SPMIP7: variants seen among roughly 807,000 people sequenced by gnomAD.
The protein encoded by SPMIP7 is protein SPMIP7.
chr7:50,096,955 ATCC>A, the SPMIP7 span, among the ~76,000 whole-genome samples: 1 of 152,230 alleles, frequency 6.6e-6, no homozygotes, highest in Non-Finnish European at 1.5e-5. Flanking sequence ...TTGTATAGAA[ATCC>A]TCCTTATCTG....
the SPMIP7 span, among the ~76,000 whole-genome samples, chr7:50,102,643 C>T: frequency 6.6e-6 from 1 of 152,020 alleles, no homozygotes; most frequent in Non-Finnish European, 1.5e-5. Flanking sequence ...TTTGAAAATC[C>T]CCATTTCAGA....
chr7:50,125,407 T>TACATATACACACATATATATATAC, the SPMIP7 span, among the ~76,000 whole-genome samples: 2 of 147,440 alleles, frequency 1.4e-5, no homozygotes, highest in African/African-American at 2.5e-5. Context: ...TACATATATA[T>TACATATACACACATATATATATAC]ATAAAGAAAC....
chr7:50,104,448 GTTTA>G, the SPMIP7 span: 1 of 913,652 alleles, frequency 1.1e-6, no homozygotes, highest in Non-Finnish European at 1.5e-6. Context: ...TATATAATTA[GTTTA>G]TTTCATTGTA....
the SPMIP7 span, among the ~76,000 whole-genome samples, chr7:50,115,030 CAAAA>C: frequency 1.8e-5 from 2 of 113,688 alleles, no homozygotes; most frequent in Admixed American, 9.1e-5. Flanking sequence ...ATTCTGTCTC[CAAAA>C]AAAAAAAAAA....
At chr7:50,112,192 G>T in the SPMIP7 span, among the ~76,000 whole-genome samples, 1 of 152,152 alleles carries the variant, frequency 6.6e-6, no homozygotes, top group Non-Finnish European at 1.5e-5. Context: ...TCAAGAGAAT[G>T]AACATGAGAT....
the SPMIP7 span, among the ~76,000 whole-genome samples, chr7:50,136,881 T>C: frequency 6.6e-6 from 1 of 152,194 alleles, no homozygotes; most frequent in Admixed American, 6.5e-5. Context: ...ATATTTTATG[T>C]ACACAAAAAT....
At chr7:50,118,536 A>G in the SPMIP7 span, among the ~76,000 whole-genome samples, 1 of 152,204 alleles carries the variant, frequency 6.6e-6, no homozygotes, top group Non-Finnish European at 1.5e-5. Context: ...GCTGGATAGA[A>G]GCTTTCCCAT....
At chr7:50,115,280 G>A in the SPMIP7 span, among the ~76,000 whole-genome samples, 1 of 152,026 alleles carries the variant, frequency 6.6e-6, no homozygotes, top group African/African-American at 2.4e-5. Context: ...TATTTAAAAT[G>A]TATATCACCT....
the SPMIP7 span, among the ~76,000 whole-genome samples, chr7:50,113,724 C>A: frequency 6.6e-6 from 1 of 151,588 alleles, no homozygotes; most frequent in Admixed American, 6.6e-5. Flanking sequence ...GCATTGGGGT[C>A]TCAGAATAAA....
At chr7:50,155,118 AT>A in the SPMIP7 span, among the ~76,000 whole-genome samples, 1 of 152,118 alleles carries the variant, frequency 6.6e-6, no homozygotes, top group Admixed American at 6.5e-5. Flanking sequence ...GTTCCCAAAT[AT>A]TTTCCCCCAG....
At chr7:50,149,659 T>C in the SPMIP7 span, among the ~76,000 whole-genome samples, 1 of 152,226 alleles carries the variant, frequency 6.6e-6, no homozygotes, top group Non-Finnish European at 1.5e-5. Context: ...ATAGATGTAA[T>C]TTCCCTTCAC....
chr7:50,110,380 A>G, the SPMIP7 span, among the ~76,000 whole-genome samples: 1 of 148,422 alleles, frequency 6.7e-6, no homozygotes, highest in Non-Finnish European at 1.5e-5. Flanking sequence ...GTTCTTATAT[A>G]TATTTATTTA....
the SPMIP7 span, chr7:50,136,300 C>A: frequency 1.6e-6 from 1 of 642,008 alleles, no homozygotes. Flanking sequence ...ATCCCAGGGA[C>A]TCCCTGACTC....
chr7:50,101,546 C>A, the SPMIP7 span, among the ~76,000 whole-genome samples: 1 of 152,188 alleles, frequency 6.6e-6, no homozygotes, highest in Admixed American at 6.5e-5. Context: ...GATACTGAAA[C>A]GGAGTGGAGG....
the SPMIP7 span, among the ~76,000 whole-genome samples, chr7:50,108,750 A>T: frequency 1.3e-5 from 2 of 152,180 alleles, no homozygotes; most frequent in Non-Finnish European, 2.9e-5. Flanking sequence ...TACTTAAGAA[A>T]TAAATTTTTA....
the SPMIP7 span, chr7:50,140,158 A>G: frequency 2.0e-5 from 30 of 1,506,958 alleles, no homozygotes; most frequent in Non-Finnish European, 2.7e-5. Context: ...CAAGTTCTAG[A>G]AGTAAATATA....
chr7:50,124,359 A>T, the SPMIP7 span, among the ~76,000 whole-genome samples: 4 of 152,168 alleles, frequency 2.6e-5, no homozygotes, highest in Non-Finnish European at 2.9e-5. Context: ...AAATACATAG[A>T]TCTAAACAAT....
the SPMIP7 span, among the ~76,000 whole-genome samples, chr7:50,125,085 T>G: frequency 7.2e-6 from 1 of 139,804 alleles, no homozygotes; most frequent in Non-Finnish European, 1.6e-5. Context: ...GGCGACAGAG[T>G]GAGATTAAGT....
At chr7:50,104,379 A>C in the SPMIP7 span, 2 of 1,535,992 alleles carry the variant, frequency 1.3e-6, no homozygotes, top group Non-Finnish European at 1.8e-6. Flanking sequence ...ATTAAGTCAC[A>C]TATTTACATT....
Sources: gnomAD v4.1 joint callset for allele counts (sites outside exome capture counted in the v4.1 genomes callset) on GRCh38, gnomAD v4.1.1 for gene constraint, MANE v1.5 for transcripts, NCBI Gene and HGNC (gene_info 2026-07-23, HGNC 2026-07-21) for gene names.